DPP6: variants seen among roughly 807,000 people sequenced by gnomAD.
DPP6 encodes the protein A-type potassium channel modulatory protein DPP6.
A neutral mutation model predicts 122.6 loss-of-function variants in DPP6; 69 were observed. The ratio of observed to expected loss-of-function variants is 0.56; its 90% confidence interval spans 0.46 to 0.69. DPP6 has a LOEUF of 0.69. DPP6 is among the 30% of genes least tolerant of loss of function. DPP6 has a pLI of 0.00. For synonymous variants in DPP6, 418 were observed against 433.1 expected (o/e 0.97, Z 0.43); for missense variants, 928 against 1,116.9 (o/e 0.83, Z 2.41).
intron 8 of DPP6, among the ~76,000 whole-genome samples, chr7:154,730,582 A>G (rs917617588): frequency 6.6e-6 from 1 of 152,230 alleles, no homozygotes; most frequent in Non-Finnish European, 1.5e-5. Flanking sequence ...TTTATCACAA[A>G]GGAAAAAAGA....
At chr7:154,184,914 G>T (rs1384184545) in intron 1 of DPP6, among the ~76,000 whole-genome samples, 2 of 152,268 alleles carry the variant, frequency 1.3e-5, no homozygotes, top group African/African-American at 4.8e-5. Context: ...CTGAGCCACG[G>T]TGCGATGGTT....
At chr7:153,856,694 C>T in the DPP6 span, among the ~76,000 whole-genome samples, 1 of 152,172 alleles carries the variant, frequency 6.6e-6, no homozygotes, top group Non-Finnish European at 1.5e-5. Context: ...ATCCCATTCT[C>T]AAGGGATCTG....
At chr7:154,181,424 G>T (rs1015136716) in intron 1 of DPP6, among the ~76,000 whole-genome samples, 2 of 152,130 alleles carry the variant, frequency 1.3e-5, no homozygotes, top group Non-Finnish European at 2.9e-5. Flanking sequence ...CTAGTGTTCT[G>T]CTGGTTTATG....
chr7:154,663,829 T>G (rs183511582), intron 6 of DPP6, among the ~76,000 whole-genome samples: 4 of 118,082 alleles, frequency 3.4e-5, no homozygotes, highest in African/African-American at 1.1e-4. Context: ...CATGGCGTAT[T>G]GGGCGTAGTA....
intron 1 of DPP6, among the ~76,000 whole-genome samples, chr7:154,014,383 C>T (rs1470299394): frequency 1.3e-5 from 2 of 148,498 alleles, no homozygotes; most frequent in Non-Finnish European, 3.0e-5. Flanking sequence ...ATGCATGGGG[C>T]TGGGCTCATG....
chr7:154,885,428 G>A (rs539371979), intron 21 of DPP6: 39 of 628,232 alleles, frequency 6.2e-5, no homozygotes, highest in Admixed American at 9.4e-5. Context: ...CGGAGAAGGC[G>A]CACGTCGCAT....
At chr7:153,995,377 G>T (rs936431317) in intron 1 of DPP6, among the ~76,000 whole-genome samples, 21 of 152,128 alleles carry the variant, frequency 1.4e-4, no homozygotes, top group African/African-American at 5.1e-4. Flanking sequence ...ACAAGGTCAG[G>T]AGGTCGAGAC....
At chr7:153,799,291 T>C in the DPP6 span, among the ~76,000 whole-genome samples, 18 of 152,346 alleles carry the variant, frequency 1.2e-4, no homozygotes, top group Non-Finnish European at 2.4e-4. Flanking sequence ...TAAATATATA[T>C]ATTTTTTATG....
chr7:154,486,140 T>C lies in DPP6; in HGVS notation c.457+11103T>C, dbSNP rs913482348. On this transcript the variant is annotated intron_variant, in intron 3 of 25. Transcript: ENST00000377770. This position sits in a 1 kb window ranked among gnomAD's most constrained non-coding sequence, Gnocchi z 4.5. Reference sequence around the variant, plus strand: ...CCACCCCTACTCATGGCCTCTATTTTGTTTTTTTTTTGAGATGGAGTCTCA... The same window carrying C: ...CCACCCCTACTCATGGCCTCTATTTCGTTTTTTTTTTGAGATGGAGTCTCA... Among the ~76,000 whole-genome samples the C allele has an allele frequency of 6.8e-6, 1 of 146,408 alleles. No individual in the cohort carries two copies. Among genetic ancestry groups the C allele is most frequent in the African/African-American group, 2.8e-5 (1 of 36,262 alleles).
At chr7:153,817,853 A>T in the DPP6 span, among the ~76,000 whole-genome samples, 1 of 151,878 alleles carries the variant, frequency 6.6e-6, no homozygotes, top group Non-Finnish European at 1.5e-5. Context: ...CCAACATGGC[A>T]CATGTATACA....
chr7:154,191,476 C>G (rs2150766380), intron 1 of DPP6, among the ~76,000 whole-genome samples: 1 of 152,246 alleles, frequency 6.6e-6, no homozygotes, highest in East Asian at 1.9e-4. Flanking sequence ...CACACAAGGC[C>G]TGTCACTTCT....
chr7:153,922,130 G>A (rs1253752620), intron 1 of DPP6, among the ~76,000 whole-genome samples: 2 of 152,188 alleles, frequency 1.3e-5, no homozygotes, highest in South Asian at 2.1e-4. Context: ...ATGATGACTC[G>A]ATGGCAAGGT....
At chr7:154,598,107 A>G (rs1404159816) in intron 5 of DPP6, among the ~76,000 whole-genome samples, 1 of 152,236 alleles carries the variant, frequency 6.6e-6, no homozygotes, top group Non-Finnish European at 1.5e-5. Context: ...AAGAAAAAAA[A>G]GAGAAAATTT....
chr7:154,242,948 A>G (rs1248074430), intron 1 of DPP6, among the ~76,000 whole-genome samples: 1 of 152,200 alleles, frequency 6.6e-6, no homozygotes, highest in African/African-American at 2.4e-5. Flanking sequence ...CAGAATGGAG[A>G]GAACTCATTG....
intron 5 of DPP6, among the ~76,000 whole-genome samples, chr7:154,572,495 C>CTTTTT (rs1411417129): frequency 9.9e-6 from 1 of 100,598 alleles, no homozygotes; most frequent in Non-Finnish European, 2.2e-5. Context: ...ATATGAGTTT[C>CTTTTT]TTTTTTTTTC....
chr7:153,850,076 C>T, the DPP6 span, among the ~76,000 whole-genome samples: 2 of 152,068 alleles, frequency 1.3e-5, no homozygotes, highest in Admixed American at 1.3e-4. Context: ...TTACCTGTTG[C>T]CGTATAATAA....
At chr7:154,646,924 G>C (rs1586803172) in intron 6 of DPP6, among the ~76,000 whole-genome samples, 1 of 152,246 alleles carries the variant, frequency 6.6e-6, no homozygotes, top group African/African-American at 2.4e-5. Context: ...TCTTTTCAGT[G>C]GAATCATTTA....
chr7:153,846,009 A>G, the DPP6 span, among the ~76,000 whole-genome samples: 1 of 152,224 alleles, frequency 6.6e-6, no homozygotes. Flanking sequence ...ACATAAAAGT[A>G]GAAACCTTGC....
intron 1 of DPP6, among the ~76,000 whole-genome samples, chr7:154,033,548 T>C (rs1301523592): frequency 6.6e-6 from 1 of 152,256 alleles, no homozygotes; most frequent in Non-Finnish European, 1.5e-5. Flanking sequence ...TTGTATTGAC[T>C]GCAGTGTCAT....
Sources: allele counts gnomAD v4.1 joint callset (sites outside exome capture counted in the v4.1 genomes callset), GRCh38; gene constraint gnomAD v4.1.1; non-coding constraint Gnocchi (gnomAD v3.1); transcripts MANE v1.5; gene names NCBI Gene and HGNC (gene_info 2026-07-23, HGNC 2026-07-21).